The following CENPC variants were observed in gnomAD, a reference collection of about 807,000 sequenced individuals.
CENPC encodes CENP-C 1.
In CENPC, 63 loss-of-function variants were observed where a neutral mutation model predicts 112.1. The ratio of observed to expected loss-of-function variants is 0.56; its 90% CI spans 0.46 to 0.69. The LOEUF (loss-of-function observed/expected upper bound fraction) is 0.69. CENPC is among the 30% of genes least tolerant of loss of function. The pLI is 0.00. For synonymous variants in CENPC, 333 were observed against 367.6 expected (o/e 0.91, Z 1.08); for missense variants, 1,000 against 1,103.8 (o/e 0.91, Z 1.33).
At position 67,483,105 on chromosome 4, in the gene CENPC, C is replaced by A. The variant is rs1401475040; in HGVS notation, c.2670+6862G>T. Reference sequence around the variant, plus strand: ...AAGGACATGTTTGCTTCCCCTTCTGCCATAATTGTAAGTTTCCTGAGGCAC... The same window carrying A: ...AAGGACATGTTTGCTTCCCCTTCTGACATAATTGTAAGTTTCCTGAGGCAC... On this transcript the variant is annotated intron_variant, in intron 17 of 18. Coordinates refer to ENST00000273853, the MANE Select transcript of CENPC (RefSeq NM_001812.4). Among the ~76,000 whole-genome samples the A allele has an allele frequency of 2.0e-5, 3 of 152,162 alleles. No homozygotes were observed. In the South Asian group the frequency reaches 6.2e-4, roughly 32 times the overall value.
chr4:67,537,375 G>C (rs1053517683), intron 4 of CENPC, among the ~76,000 whole-genome samples: 6 of 152,132 alleles, frequency 3.9e-5, no homozygotes, highest in African/African-American at 1.4e-4. Context: ...ACAAAAGTGA[G>C]GCCAGGCACA....
In CENPC at chr4:67,490,174, A is replaced by T. The variant is rs1323393570; in HGVS notation, c.2516-53T>A. The T allele has an allele frequency of 5.6e-6, 7 of 1,244,364 alleles. No homozygotes were observed. The East Asian group carries it at 1.4e-4, about 26-fold the overall frequency. 77.1% of individuals were successfully genotyped at this position (1,244,364 alleles called of 1,614,324 possible). On this transcript the variant is annotated intron_variant, in intron 16 of 18. Coordinates refer to ENST00000273853, the MANE Select transcript of CENPC (RefSeq NM_001812.4). ...AAAACAACAGCAGTATTGGTTAATGATATAACATATACACATATATATAAT... is the reference window on the plus strand; with the variant it reads ...AAAACAACAGCAGTATTGGTTAATGTTATAACATATACACATATATATAAT...
At chr4:67,541,950 T>C (rs999471938) in intron 2 of CENPC, among the ~76,000 whole-genome samples, 1 of 151,866 alleles carries the variant, frequency 6.6e-6, no homozygotes, top group Non-Finnish European at 1.5e-5. Flanking sequence ...ATACAACATG[T>C]ATCCTCTTGC....
intron 12 of CENPC, among the ~76,000 whole-genome samples, chr4:67,502,138 T>C (rs1725607001): frequency 6.6e-6 from 1 of 152,044 alleles, no homozygotes; most frequent in Admixed American, 6.6e-5. Flanking sequence ...AAAAAGATCA[T>C]GACTCAAGAT....
intron 16 of CENPC, among the ~76,000 whole-genome samples, chr4:67,491,470 T>G (rs1407466647): frequency 0.026 from 1,227 of 46,540 alleles, 11 homozygotes; most frequent in South Asian, 0.036. Context: ...TATATATATA[T>G]ATATATATAT....
chr4:67,528,774 C>A (rs987745096), intron 5 of CENPC, among the ~76,000 whole-genome samples: 1 of 152,062 alleles, frequency 6.6e-6, no homozygotes, highest in Non-Finnish European at 1.5e-5. Context: ...AATACTGCTA[C>A]GAATATTAGT....
chr4:67,540,766 C>A (rs752553168), intron 3 of CENPC, among the ~76,000 whole-genome samples: 43 of 152,118 alleles, frequency 2.8e-4, no homozygotes, highest in Non-Finnish European at 5.7e-4. Context: ...AACGGGATGA[C>A]AAATTATTGT....
intron 9 of CENPC, chr4:67,510,861 C>A: frequency 2.7e-6 from 1 of 374,878 alleles, no homozygotes; most frequent in Non-Finnish European, 5.3e-6. Context: ...TCCACTTTTT[C>A]GACTCCCAGC....
At chr4:67,533,346 G>A (rs540774884) in intron 4 of CENPC, among the ~76,000 whole-genome samples, 1 of 152,204 alleles carries the variant, frequency 6.6e-6, no homozygotes, top group Non-Finnish European at 1.5e-5. Flanking sequence ...TCCAAGCCAT[G>A]TGGAACTGTA....
At chr4:67,531,448 C>T (rs936884128) in intron 4 of CENPC, among the ~76,000 whole-genome samples, 3 of 152,194 alleles carry the variant, frequency 2.0e-5, no homozygotes, top group Non-Finnish European at 4.4e-5. Context: ...TGGTTGGCAT[C>T]TGGAGACTTA....
chr4:67,537,560 A>G (rs993423197), intron 4 of CENPC, among the ~76,000 whole-genome samples: 1 of 152,180 alleles, frequency 6.6e-6, no homozygotes, highest in African/African-American at 2.4e-5. Flanking sequence ...TGGGAGGCCA[A>G]TGCAGGAGTA....
intron 1 of CENPC, among the ~76,000 whole-genome samples, chr4:67,545,136 T>G (rs953991347): frequency 1.3e-5 from 2 of 151,956 alleles, no homozygotes; most frequent in Admixed American, 1.3e-4. Context: ...ACATGAAAAC[T>G]TAAGAAATAA....
At chr4:67,479,631 C>A (rs1724899327) in intron 17 of CENPC, among the ~76,000 whole-genome samples, 1 of 152,042 alleles carries the variant, frequency 6.6e-6, no homozygotes, top group Non-Finnish European at 1.5e-5. Context: ...TGAAAGAACA[C>A]AAATACACAA....
intron 9 of CENPC, among the ~76,000 whole-genome samples, chr4:67,511,735 G>A (rs527990556): frequency 1.3e-5 from 2 of 152,252 alleles, no homozygotes; most frequent in African/African-American, 2.4e-5. Flanking sequence ...TGGGCACTAA[G>A]TCTCTAGTGA....
rs181951207 is a variant in CENPC, at chr4:67,490,246, A to C, written c.2516-125T>G. The C allele has an allele frequency of 1.1e-4, 66 of 590,104 alleles. No individual in the cohort carries two copies. The East Asian group carries it at 1.8e-3, about 16-fold the overall frequency. 36.6% of individuals were successfully genotyped at this position (590,104 alleles called of 1,614,324 possible). A position where few individuals can be genotyped will look rare whatever the true frequency, so the allele number is the denominator to read the frequency against. Reference sequence around the variant, plus strand: ...AATCTGCCTTAGAGAGTTGTTTCAGAGCATTAACTCTGGAGCTAGAATGCC... The same window carrying C: ...AATCTGCCTTAGAGAGTTGTTTCAGCGCATTAACTCTGGAGCTAGAATGCC... On this transcript the variant is annotated intron_variant, in intron 16 of 18. Transcript: ENST00000273853.
At position 67,539,935 on chromosome 4, in the gene CENPC, C is replaced by A; in HGVS notation, c.137-1G>T. ...TTTGTACTAAAATCATTGGCAAGAC[C>A]TAAAACAAAAGTATGAAATTTTCAA... On this transcript the variant is annotated splice_acceptor_variant, in intron 3 of 18. Coordinates refer to ENST00000273853, the MANE Select transcript of CENPC (RefSeq NM_001812.4). LOFTEE classifies it high-confidence loss of function. 1 of 1,478,594 alleles carries A rather than the reference C, an allele frequency of 6.8e-7. No homozygotes were observed. The highest frequency in any genetic ancestry group is 1.3e-5 in the South Asian group (1 of 74,582). The allele number at this position is 1,478,594 out of a possible 1,614,324, so 91.6% of individuals were successfully genotyped here.
chr4:67,500,437 C>T (rs188926803), intron 12 of CENPC, among the ~76,000 whole-genome samples: 5 of 152,258 alleles, frequency 3.3e-5, no homozygotes, highest in Admixed American at 1.3e-4. Flanking sequence ...ACAAGGATCA[C>T]GTCAAGTGCC....
At chr4:67,492,613 G>A (rs2254659) in intron 15 of CENPC, 309,340 of 492,574 alleles carry the variant, frequency 0.63, 98,167 homozygotes, top group East Asian at 0.8. Flanking sequence ...CATAGCTTGG[G>A]CATAGGAATG....
chr4:67,502,636 T>C (rs555237722), intron 12 of CENPC, among the ~76,000 whole-genome samples: 1 of 152,246 alleles, frequency 6.6e-6, no homozygotes, highest in South Asian at 2.1e-4. Context: ...ACTCTAGCAG[T>C]CCTTAATAGA....
Sources: allele counts gnomAD v4.1 joint callset (sites outside exome capture counted in the v4.1 genomes callset), GRCh38; gene constraint gnomAD v4.1.1; transcripts MANE v1.5; gene names NCBI Gene and HGNC (gene_info 2026-07-23, HGNC 2026-07-21).